COMMD10: variants seen among roughly 807,000 people sequenced by gnomAD.
COMMD10 encodes COMM domain containing 10.
COMMD10 carries 33 observed loss-of-function variants against 28.9 expected under a neutral mutation model. That is an observed-to-expected ratio of 1.14 (90% CI 0.87 to 1.53). The LOEUF (loss-of-function observed/expected upper bound fraction) is 1.53, where lower values mean the gene tolerates loss of function less well. Among genes scored for constraint, COMMD10 ranks in the 40% most tolerant of loss-of-function variants. The probability of loss-of-function intolerance (pLI) is 0.00; values close to 1 mark genes in which losing one functional copy is unlikely to be tolerated. For synonymous variants in COMMD10, 110 were observed against 81.7 expected (o/e 1.35, Z -1.87); for missense variants, 310 against 233.4 (o/e 1.33, Z -2.14).
chr5:116,266,283 A>T (rs1027630926), intron 5 of COMMD10, among the ~76,000 whole-genome samples: 1 of 151,784 alleles, frequency 6.6e-6, no homozygotes, highest in Non-Finnish European at 1.5e-5. Flanking sequence ...TTAGAAATTT[A>T]TATAATTTTT....
intron 5 of COMMD10, among the ~76,000 whole-genome samples, chr5:116,224,926 ATCTTT>A (rs1412513334): frequency 4.6e-5 from 7 of 152,208 alleles, no homozygotes; most frequent in African/African-American, 2.4e-5. Context: ...TATTGTTTAA[ATCTTT>A]TCTTTTACAT....
chr5:116,127,211 C>A (rs913451547), intron 4 of COMMD10, among the ~76,000 whole-genome samples: 1 of 152,188 alleles, frequency 6.6e-6, no homozygotes, highest in Non-Finnish European at 1.5e-5. Context: ...AAATGCAAAT[C>A]AAAACCACAA....
intron 5 of COMMD10, among the ~76,000 whole-genome samples, chr5:116,269,654 C>G (rs1029514596): frequency 6.6e-6 from 1 of 151,732 alleles, no homozygotes; most frequent in African/African-American, 2.4e-5. Context: ...TGATTCATCT[C>G]AAATATTTTA....
At chr5:116,263,685 G>A (rs1413182976) in intron 5 of COMMD10, among the ~76,000 whole-genome samples, 1 of 151,494 alleles carries the variant, frequency 6.6e-6, no homozygotes, top group Non-Finnish European at 1.5e-5. Flanking sequence ...TTGATCCCAG[G>A]TCTTGAGATA....
chr5:116,227,100 C>A (rs749167014), intron 5 of COMMD10, among the ~76,000 whole-genome samples: 4 of 151,990 alleles, frequency 2.6e-5, no homozygotes, highest in Non-Finnish European at 5.9e-5. Flanking sequence ...GGGTCTGTAT[C>A]TATCTGTGCT....
intron 4 of COMMD10, among the ~76,000 whole-genome samples, chr5:116,106,635 C>G (rs1052382219): frequency 6.6e-6 from 1 of 152,118 alleles, no homozygotes; most frequent in African/African-American, 2.4e-5. Flanking sequence ...CTTTGTAGGT[C>G]TCTAAGAACT....
At chr5:116,250,547 C>A (rs1490419449) in intron 5 of COMMD10, among the ~76,000 whole-genome samples, 1 of 151,690 alleles carries the variant, frequency 6.6e-6, no homozygotes, top group Non-Finnish European at 1.5e-5. Context: ...TCCTTCCTGA[C>A]ACCTCACCTC....
At chr5:116,230,423 T>A (rs892366865) in intron 5 of COMMD10, among the ~76,000 whole-genome samples, 14 of 152,116 alleles carry the variant, frequency 9.2e-5, no homozygotes, top group Non-Finnish European at 5.9e-5. Flanking sequence ...TTCATTTTTC[T>A]ATGCACTAGA....
intron 5 of COMMD10, among the ~76,000 whole-genome samples, chr5:116,217,793 A>G (rs1749142804): frequency 6.6e-6 from 1 of 152,152 alleles, no homozygotes; most frequent in Non-Finnish European, 1.5e-5. Flanking sequence ...TAAGTCTCTC[A>G]AAACTAGAAG....
At position 116,281,480 on chromosome 5, in the gene COMMD10, G is replaced by A. The variant is rs185124514; in HGVS notation, c.511-10037G>A. ...TCTTTGCACTTTCATTTTCACTTTC[G>A]TTTCACTTTGCATTGTTTTTAGATT... On this transcript the variant is annotated intron_variant, in intron 5 of 6. Coordinates refer to ENST00000274458, the MANE Select transcript of COMMD10 (RefSeq NM_016144.4). 3.6e-4 allele frequency among the ~76,000 whole-genome samples: 54 copies of A among 151,608 alleles called. 1 individual carries two copies. The highest frequency in any genetic ancestry group is 1.1e-3 in the African/African-American group (44 of 41,154).
At chr5:116,190,126 T>C (rs1158536613) in intron 5 of COMMD10, among the ~76,000 whole-genome samples, 1 of 152,110 alleles carries the variant, frequency 6.6e-6, no homozygotes, top group African/African-American at 2.4e-5. Flanking sequence ...CTATTGCAGC[T>C]TCAAGCACCA....
intron 5 of COMMD10, among the ~76,000 whole-genome samples, chr5:116,175,699 G>T (rs1269363641): frequency 1.3e-5 from 2 of 152,102 alleles, no homozygotes; most frequent in Non-Finnish European, 2.9e-5. Flanking sequence ...TCATAAAAAG[G>T]AATGAAATTC....
intron 5 of COMMD10, among the ~76,000 whole-genome samples, chr5:116,259,429 A>G (rs1280990154): frequency 1.3e-5 from 2 of 151,496 alleles, no homozygotes; most frequent in Non-Finnish European, 2.9e-5. Context: ...GAGAATTACA[A>G]TTATATTTAA....
chr5:116,283,089 G>A (rs879598166), intron 5 of COMMD10, among the ~76,000 whole-genome samples: 3 of 151,880 alleles, frequency 2.0e-5, no homozygotes. Context: ...GGTATCATTT[G>A]CAGTAGCCTC....
chr5:116,094,278 A>C (rs961163341), intron 4 of COMMD10, among the ~76,000 whole-genome samples: 1 of 152,264 alleles, frequency 6.6e-6, no homozygotes, highest in African/African-American at 2.4e-5. Context: ...TGACTTAGCA[A>C]ATGATTAATA....
At chr5:116,254,851 C>T (rs998633578) in intron 5 of COMMD10, among the ~76,000 whole-genome samples, 6 of 151,100 alleles carry the variant, frequency 4.0e-5, no homozygotes, top group African/African-American at 1.5e-4. Context: ...CCTGGGTATC[C>T]TTGTTGACTT....
rs1231041807 is a variant in COMMD10, at chr5:116,186,585, A to T, written c.510+52407A>T. ...TGAACTGGCTGAGTTCTCCTACTTC[A>T]TACCTTCTCTTCACAGCACTTGTCA... On this transcript the variant is annotated intron_variant, in intron 5 of 6. Transcript: ENST00000274458. Among the ~76,000 whole-genome samples, 2 of 152,038 alleles carry T rather than the reference A, an allele frequency of 1.3e-5. 1 individual carries two copies. The highest frequency in any genetic ancestry group is 1.3e-4 in the Admixed American group (2 of 15,256).
At position 116,274,645 on chromosome 5, in the gene COMMD10, A is replaced by T. The variant is rs528597746; in HGVS notation, c.511-16872A>T. 5.1e-4 allele frequency among the ~76,000 whole-genome samples: 77 copies of T among 151,954 alleles called. 3 individuals carry two copies. The highest frequency in any genetic ancestry group is 1.8e-3 in the African/African-American group (74 of 41,294). On this transcript the variant is annotated intron_variant, in intron 5 of 6. Transcript: ENST00000274458. ...GTAACATTCTCATCATTGAATTAAAATGAACACTTACCAGTCCTTGTCTCA... is the reference window on the plus strand; with the variant it reads ...GTAACATTCTCATCATTGAATTAAATTGAACACTTACCAGTCCTTGTCTCA...
At chr5:116,245,939 C>A (rs1749941643) in intron 5 of COMMD10, among the ~76,000 whole-genome samples, 1 of 152,126 alleles carries the variant, frequency 6.6e-6, no homozygotes, top group Non-Finnish European at 1.5e-5. Flanking sequence ...CAAGGATGCC[C>A]TCTCTCACCA....
Sources: allele counts gnomAD v4.1 joint callset (sites outside exome capture counted in the v4.1 genomes callset), GRCh38; gene constraint gnomAD v4.1.1; transcripts MANE v1.5; gene names NCBI Gene and HGNC (gene_info 2026-07-23, HGNC 2026-07-21).